The following TMCC1 variants were observed in gnomAD, a reference collection of about 807,000 sequenced individuals.
The protein encoded by TMCC1 is transmembrane and coiled-coil domain family 1.
A neutral mutation model predicts 52.4 loss-of-function variants in TMCC1; 15 were observed. The observed-to-expected ratio is 0.29, with a 90% CI of 0.19 to 0.44. The LOEUF (loss-of-function observed/expected upper bound fraction) is 0.44. TMCC1 is among the 20% of genes least tolerant of loss of function. The pLI is 1.00. For missense variants in TMCC1, 503 were observed against 806.0 expected, an observed-to-expected ratio of 0.62 and a Z score of 4.55; for synonymous variants, 279 against 301.9, an observed-to-expected ratio of 0.92 and a Z score of 0.79.
intron 4 of TMCC1, among the ~76,000 whole-genome samples, chr3:129,715,936 T>C (rs1379128508): frequency 3.3e-5 from 5 of 152,104 alleles, no homozygotes; most frequent in Non-Finnish European, 7.3e-5. Context: ...TTTTTCTCTC[T>C]TCTCATTCCT....
At chr3:129,837,495 G>A (rs992857489) in intron 2 of TMCC1, among the ~76,000 whole-genome samples, 2 of 152,146 alleles carry the variant, frequency 1.3e-5, no homozygotes, top group African/African-American at 4.8e-5. Context: ...ACAGCCCAAT[G>A]CCTGAACAGA....
intron 4 of TMCC1, among the ~76,000 whole-genome samples, chr3:129,783,646 T>C (rs913459120): frequency 7.2e-5 from 11 of 152,318 alleles, no homozygotes; most frequent in African/African-American, 2.6e-4. Context: ...ACTTTATACT[T>C]AGGAATTTTA....
At chr3:129,866,308 C>CACATATTATATATACATATATACATAAT (rs1560578549) in intron 2 of TMCC1, among the ~76,000 whole-genome samples, 8 of 133,760 alleles carry the variant, frequency 6.0e-5, no homozygotes, top group Non-Finnish European at 1.2e-4. Context: ...ATAATATATA[C>CACATATTATATATACATATATACATAAT]ATATATTATA....
chr3:129,883,890 T>A (rs1456655236), intron 1 of TMCC1, among the ~76,000 whole-genome samples: 1 of 151,398 alleles, frequency 6.6e-6, no homozygotes. Context: ...AAAGAAAAAA[T>A]ATATTTTTGA....
intron 2 of TMCC1, among the ~76,000 whole-genome samples, chr3:129,857,806 G>A (rs1213014592): frequency 6.6e-6 from 1 of 151,856 alleles, no homozygotes; most frequent in African/African-American, 2.4e-5. Context: ...GTCATGAGCC[G>A]CCCGCCTCAG....
chr3:129,732,305 C>T (rs145561574), intron 4 of TMCC1, among the ~76,000 whole-genome samples: 258 of 152,248 alleles, frequency 1.7e-3, no homozygotes, highest in African/African-American at 6.0e-3. Flanking sequence ...TTGCACTGTT[C>T]CCCAGCCAGA....
intron 2 of TMCC1, chr3:129,867,032 TACG>T (rs894206112): frequency 6.6e-5 from 10 of 152,200 alleles, no homozygotes; most frequent in Admixed American, 2.0e-4. Context: ...ACTCCAAGAT[TACG>T]ACATCATGAT....
At chr3:129,652,832 T>A (rs1168228653) in intron 6 of TMCC1, among the ~76,000 whole-genome samples, 1 of 152,226 alleles carries the variant, frequency 6.6e-6, no homozygotes, top group African/African-American at 2.4e-5. Context: ...GCCAAACCAA[T>A]GTATACTTTC....
At chr3:129,731,873 C>T (rs2050575394) in intron 4 of TMCC1, among the ~76,000 whole-genome samples, 1 of 151,950 alleles carries the variant, frequency 6.6e-6, no homozygotes. Flanking sequence ...GATTCACCTG[C>T]CTCAGCCTCC....
At chr3:129,741,243 C>T (rs2051430717) in intron 4 of TMCC1, among the ~76,000 whole-genome samples, 1 of 152,166 alleles carries the variant, frequency 6.6e-6, no homozygotes, top group South Asian at 2.1e-4. Flanking sequence ...GATACAGCAT[C>T]CCTTACATAA....
At chr3:129,669,725 T>C (rs2087763154) in intron 5 of TMCC1, among the ~76,000 whole-genome samples, 1 of 152,242 alleles carries the variant, frequency 6.6e-6, no homozygotes. Context: ...AATATGAATA[T>C]GTAGTGTAAT....
chr3:129,880,637 A>C (rs2107992781), intron 1 of TMCC1, 78 bp from the exon 2 acceptor site: 1 of 152,274 alleles, frequency 6.6e-6, no homozygotes, highest in African/African-American at 2.4e-5. Context: ...TGACAGGCTG[A>C]GCATCCCAAC....
intron 4 of TMCC1, among the ~76,000 whole-genome samples, chr3:129,728,015 T>C (rs1466675552): frequency 6.6e-6 from 1 of 152,196 alleles, no homozygotes; most frequent in Non-Finnish European, 1.5e-5. Context: ...AGTGAGGCTA[T>C]TTGGACTTTC....
intron 4 of TMCC1, chr3:129,819,662 T>C (rs1015045019): frequency 4.6e-5 from 7 of 152,162 alleles, no homozygotes; most frequent in African/African-American, 1.4e-4. Flanking sequence ...GATCTGGGCA[T>C]TGTGTTCTGT....
chr3:129,672,137 A>G (rs1226951384), intron 4 of TMCC1, among the ~76,000 whole-genome samples: 1 of 152,244 alleles, frequency 6.6e-6, no homozygotes, highest in African/African-American at 2.4e-5. Context: ...GAAGAAAAAG[A>G]CAAGATACTC....
chr3:129,872,882 T>C (rs1248309924), intron 2 of TMCC1, among the ~76,000 whole-genome samples: 2 of 152,168 alleles, frequency 1.3e-5, no homozygotes, highest in Admixed American at 6.6e-5. Flanking sequence ...CAATTGAATG[T>C]ATCCTAATGA....
chr3:129,809,900 C>T (rs1202965012), intron 4 of TMCC1, among the ~76,000 whole-genome samples: 1 of 152,108 alleles, frequency 6.6e-6, no homozygotes, highest in African/African-American at 2.4e-5. Flanking sequence ...AATAAGGACC[C>T]TGATTTTATT....
intron 4 of TMCC1, among the ~76,000 whole-genome samples, chr3:129,679,574 G>C (rs755513717): frequency 2.0e-5 from 3 of 152,128 alleles, no homozygotes; most frequent in Non-Finnish European, 2.9e-5. Flanking sequence ...AAAGTGCTGG[G>C]ATTACAGGTA....
intron 4 of TMCC1, among the ~76,000 whole-genome samples, chr3:129,772,838 G>C (rs533718525): frequency 6.6e-6 from 1 of 151,586 alleles, no homozygotes; most frequent in African/African-American, 2.4e-5. Context: ...AAATTACACT[G>C]AGATACCACT....
Sources: allele counts gnomAD v4.1 joint callset (sites outside exome capture counted in the v4.1 genomes callset), GRCh38; gene constraint gnomAD v4.1.1; transcripts MANE v1.5; gene names NCBI Gene and HGNC (gene_info 2026-07-23, HGNC 2026-07-21).